ABCC12: variants seen among roughly 807,000 people sequenced by gnomAD.
ABCC12 encodes ATP-binding cassette sub-family C member 12.
ABCC12 carries 142 observed loss-of-function variants against 151.1 expected under a neutral mutation model. That is an observed-to-expected ratio of 0.94 (90% CI 0.82 to 1.08). The LOEUF is 1.08. Among genes scored for constraint, ABCC12 ranks in the 50% least tolerant of loss-of-function variants. The pLI is 0.00. For synonymous variants in ABCC12, 645 were observed against 646.4 expected (o/e 1.00, Z 0.03); for missense variants, 1,638 against 1,691.1 (o/e 0.97, Z 0.55).
At chr16:48,135,580 C>G (rs901574286) in intron 8 of ABCC12, among the ~76,000 whole-genome samples, 1 of 151,922 alleles carries the variant, frequency 6.6e-6, no homozygotes, top group African/African-American at 2.4e-5. Context: ...GAGTTGGGAT[C>G]TCCCTATGTT....
At chr16:48,126,023 G>T (rs1041994051) in intron 11 of ABCC12, among the ~76,000 whole-genome samples, 3 of 152,160 alleles carry the variant, frequency 2.0e-5, no homozygotes, top group African/African-American at 7.2e-5. Flanking sequence ...CCCCCATGCT[G>T]CATTCCCATT....
rs751317678 is a variant in ABCC12, at chr16:48,105,117, C to T, written c.2673+22G>A. ...CTTGTTGACTGAATAACTGGGTACA[C>T]CTGCAATGCTTGTGGCCCTACCTTA... On this transcript the variant is annotated intron_variant, in intron 21 of 30. Coordinates refer to ENST00000311303, the MANE Select transcript of ABCC12 (RefSeq NM_001393797.1). 3.1e-6 allele frequency: 5 copies of T among 1,613,794 alleles called. No individual in the cohort carries two copies. The Admixed American group carries it at 6.7e-5, about 22-fold the overall frequency.
At chr16:48,096,961 G>A (rs1963121549) in intron 23 of ABCC12, 59 bp from the exon 24 acceptor site, 2 of 1,610,386 alleles carry the variant, frequency 1.2e-6, no homozygotes, top group African/African-American at 2.7e-5. Context: ...GAAAAAGCAG[G>A]AGATCAGGTT....
rs1964781576 is a variant in ABCC12 at position 48,140,829 on chromosome 16, G to C, written c.515C>G (p.Thr172Ser). ...CCAAAAGAAGACTTTGGTAAACTCG[G>C]TGGCAAAAAGGGCTATGCACAGTCC... is the stretch of plus-strand genomic sequence containing the variant. The part of the protein sequence containing the change: ...GIGLCIALFA[T>S]EFTKVFFWAL... Residue 172 changes from threonine to serine, a missense_variant, in exon 6 of 31, where the codon ACC becomes AGC. Coordinates refer to ENST00000311303, the MANE Select transcript of ABCC12 (RefSeq NM_001393797.1). 6.2e-7 allele frequency: 1 copy of C among 1,614,010 alleles called. No homozygotes were observed. The highest frequency in any genetic ancestry group is 1.3e-5 in the African/African-American group (1 of 74,922).
At chr16:48,113,181 G>T (rs922343813) in intron 15 of ABCC12, among the ~76,000 whole-genome samples, 3 of 152,276 alleles carry the variant, frequency 2.0e-5, no homozygotes, top group Middle Eastern at 3.4e-3. Context: ...AGCTGTGTTC[G>T]GTCATTGTAC....
In ABCC12 at chr16:48,091,162, T is replaced by C. The variant is rs770833409; in HGVS notation, c.3243A>G (p.Gln1081=). The part of the protein sequence containing the change: ...QVCVRTGTET[Q]AKFTSVELLR... Reference sequence around the variant, plus strand: ...GCAGCTCCACGGAGGTGAATTTGGCTTGCGTCTCTGTTCCCGTTCGCACAC... The same window carrying C: ...GCAGCTCCACGGAGGTGAATTTGGCCTGCGTCTCTGTTCCCGTTCGCACAC... Residue 1081 remains glutamine (Q), a synonymous_variant, in exon 25 of 31, where the codon CAA becomes CAG. Coordinates refer to ENST00000311303, the MANE Select transcript of ABCC12 (RefSeq NM_001393797.1). The C allele has an allele frequency of 6.2e-7, 1 of 1,614,218 alleles. No individual in the cohort carries two copies. Among genetic ancestry groups the C allele is most frequent in the Admixed American group, 1.7e-5 (1 of 60,032 alleles).
At chr16:48,142,152 G>A (rs1160323852) in intron 4 of ABCC12, among the ~76,000 whole-genome samples, 1 of 152,124 alleles carries the variant, frequency 6.6e-6, no homozygotes, top group Non-Finnish European at 1.5e-5. Context: ...AGACGGAGAT[G>A]GGAAAAAGCA....
chr16:48,118,231 C>T (rs567542422), intron 13 of ABCC12, among the ~76,000 whole-genome samples: 14 of 152,220 alleles, frequency 9.2e-5, no homozygotes, highest in East Asian at 3.9e-4. Flanking sequence ...TAGGAACGTC[C>T]GTGGTCACTG....
At chr16:48,132,984 T>C (rs1964480566) in intron 9 of ABCC12, among the ~76,000 whole-genome samples, 1 of 152,200 alleles carries the variant, frequency 6.6e-6, no homozygotes, top group Non-Finnish European at 1.5e-5. Flanking sequence ...AGCCCAGACT[T>C]TGACCCCAAC....
At chr16:48,117,218 C>A in intron 14 of ABCC12, 43 bp downstream of exon 14, 2 of 1,581,280 alleles carry the variant, frequency 1.3e-6, no homozygotes, top group South Asian at 1.1e-5. Flanking sequence ...AGCAAATGTA[C>A]TGTGTGCAGC....
At chr16:48,129,092 T>C (rs990524464) in intron 10 of ABCC12, among the ~76,000 whole-genome samples, 3 of 152,240 alleles carry the variant, frequency 2.0e-5, no homozygotes, top group Admixed American at 6.5e-5. Context: ...GGTCATATGC[T>C]CAGTCTCTGC....
At position 48,111,650 on chromosome 16, in the gene ABCC12, G is replaced by T. The variant is rs560832836; in HGVS notation, c.2137C>A (p.Leu713Ile). ...GCTTCCACCATTGCTGCATTGTAAA[G>T]GTGTTCAGGATCCTGGAGACAAAAT... ...RGLQFKDPEH[L>I]YNAAMVEAFK... Residue 713 changes from leucine to isoleucine, a missense_variant, in exon 17 of 31, where the codon CTT becomes ATT. Leu to Ile is a conservative substitution (Grantham distance 5). Coordinates refer to ENST00000311303, the MANE Select transcript of ABCC12 (RefSeq NM_001393797.1). 16 of 1,613,968 alleles carry T rather than the reference G, an allele frequency of 9.9e-6. No homozygotes were observed. Among genetic ancestry groups the T allele is most frequent in the African/African-American group, 1.3e-5 (1 of 74,902 alleles).
chr16:48,089,395 A>G (rs904599098), intron 25 of ABCC12, among the ~76,000 whole-genome samples: 10 of 152,206 alleles, frequency 6.6e-5, no homozygotes, highest in African/African-American at 1.7e-4. Flanking sequence ...AAGAAAGATG[A>G]TAAGAATGCA....
rs1339390127 is a variant in ABCC12 at position 48,100,997 on chromosome 16, T to A, written c.2913A>T (p.Arg971Ser). 6.2e-7 allele frequency: 1 copy of A among 1,613,980 alleles called. No individual in the cohort carries two copies. Among genetic ancestry groups the A allele is most frequent in the Non-Finnish European group, 8.5e-7 (1 of 1,179,966 alleles). ...GFFILLRIFH[R>S]GVQELKKVEN... is the part of the protein sequence containing the mutation. ...CCACCTTCTTGAGCTCCTGGACTCCTCTGTGGAAAATGCTGGAAGAAAATT... is the reference window on the plus strand; with the variant it reads ...CCACCTTCTTGAGCTCCTGGACTCCACTGTGGAAAATGCTGGAAGAAAATT... The change falls in exon 23 of 31, where the codon AGA becomes AGT. Residue 971 changes from arginine (R) to serine (S), a missense_variant. Arg to Ser is a moderately radical substitution (Grantham distance 110, BLOSUM62 -1). Coordinates refer to ENST00000311303, the MANE Select transcript of ABCC12 (RefSeq NM_001393797.1).
chr16:48,117,602 C>A (rs1196327381), intron 13 of ABCC12, among the ~76,000 whole-genome samples: 2 of 152,304 alleles, frequency 1.3e-5, no homozygotes, highest in South Asian at 2.1e-4. Context: ...AAGAAGACAA[C>A]GCTGAACAGG....
At chr16:48,087,785 G>T in intron 27 of ABCC12, 141 bp downstream of exon 27, 1 of 868,158 alleles carries the variant, frequency 1.2e-6, no homozygotes, top group Non-Finnish European at 1.7e-6. Flanking sequence ...GACCAGCAGT[G>T]CTTGTGAGCC....
intron 12 of ABCC12, 105 bp from the exon 13 acceptor site, chr16:48,121,945 G>A: frequency 1.3e-6 from 2 of 1,527,916 alleles, no homozygotes; most frequent in Non-Finnish European, 1.8e-6. Context: ...CATTGGTTAT[G>A]AAGGCACAAA....
In ABCC12 at chr16:48,111,461, T is replaced by C. The variant is rs867830487; in HGVS notation, c.2256A>G (p.Thr752=). The C allele has an allele frequency of 5.6e-6, 9 of 1,614,210 alleles. No individual in the cohort carries two copies. In the Middle Eastern group the frequency reaches 1.2e-3, roughly 207 times the overall value. Residue 752 remains threonine, a synonymous_variant, in exon 18 of 31, where the codon ACA becomes ACG. Transcript: ENST00000311303. ...NEKDEGKESE[T]GSEFVDTKVP... ...CTTTTGTGTCTACAAATTCTGAGCCTGTTTCAGATTCTTTTCCTTCATCTT... is the reference window on the plus strand; with the variant it reads ...CTTTTGTGTCTACAAATTCTGAGCCCGTTTCAGATTCTTTTCCTTCATCTT...
rs556660924 is a variant in ABCC12 at position 48,111,424 on chromosome 16, TGTG to T, written c.2281+9_2281+11del. 1,819 of 1,612,540 alleles carry T rather than the reference TGTG, an allele frequency of 1.1e-3. 1 individual carries two copies. Among genetic ancestry groups the T allele is most frequent in the Non-Finnish European group, 1.5e-3 (1,732 of 1,178,524 alleles). ...TTAAGTGTATGTGACTGAGGGGATG[TGTG>T]GTAAATACCTTTTGTGTCTACAAAT... On this transcript the variant is annotated intron_variant, in intron 18 of 30. Coordinates refer to ENST00000311303, the MANE Select transcript of ABCC12 (RefSeq NM_001393797.1).
Sources: gnomAD v4.1 joint callset for allele counts (sites outside exome capture counted in the v4.1 genomes callset) on GRCh38, gnomAD v4.1.1 for gene constraint, MANE v1.5 for transcripts, NCBI Gene and HGNC (gene_info 2026-07-23, HGNC 2026-07-21) for gene names.